OLFM1: variants seen among roughly 807,000 people sequenced by gnomAD.
OLFM1 encodes the protein olfactomedin 1, also known as noelin.
A neutral mutation model predicts 49.7 loss-of-function variants in OLFM1; 9 were observed. The observed-to-expected ratio is 0.18, with a 90% CI of 0.11 to 0.32. The LOEUF is 0.32. Ranked by LOEUF, OLFM1 falls within the 10% of genes least tolerant of loss-of-function variation. The pLI, the probability that OLFM1 is intolerant of heterozygous loss-of-function variation, is 1.00. For synonymous variants in OLFM1, 240 were observed against 271.8 expected, an observed-to-expected ratio of 0.88 and a Z score of 1.15; for missense variants, 369 against 661.8, an observed-to-expected ratio of 0.56 and a Z score of 4.85.
chr9:135,076,581 T>C (rs905457707), intron 1 of OLFM1: 16 of 1,076,746 alleles, frequency 1.5e-5, no homozygotes, highest in South Asian at 3.6e-5. Flanking sequence ...ACTGGGAGGG[T>C]TGCTTTGGCA....
At chr9:135,109,896 G>A (rs1179899766) in intron 5 of OLFM1, among the ~76,000 whole-genome samples, 2 of 152,308 alleles carry the variant, frequency 1.3e-5, no homozygotes, top group Non-Finnish European at 2.9e-5. Flanking sequence ...GGACGGTCCT[G>A]AGCCAGCTTC....
chr9:135,120,483 G>A lies in OLFM1; in HGVS notation c.*305G>A. 1 of 393,092 alleles carries A rather than the reference G, an allele frequency of 2.5e-6. No individual in the cohort carries two copies. The highest frequency in any genetic ancestry group is 4.6e-6 in the Non-Finnish European group (1 of 217,368). 24.4% of individuals were successfully genotyped at this position (393,092 alleles called of 1,614,324 possible). A position where few individuals can be genotyped will look rare whatever the true frequency, so the allele number is the denominator to read the frequency against. On this transcript the variant is annotated 3_prime_UTR_variant, in exon 6 of 6. Transcript: ENST00000371793. ...CTAAAGAGGCGAGGCAATGACTGTT[G>A]GCCAGTTCTCACCGGGGAAAAACCC... is the stretch of plus-strand genomic sequence containing the variant.
In OLFM1 at chr9:135,098,692, G is replaced by A. The variant is rs568987350; in HGVS notation, c.676+187G>A. Among the ~76,000 whole-genome samples, 7 of 152,276 alleles carry A rather than the reference G, an allele frequency of 4.6e-5. No individual in the cohort carries two copies. The South Asian group carries it at 1.5e-3, about 32-fold the overall frequency. Reference sequence around the variant, plus strand: ...GGAGCGTAGGCCACACCCATCCTAGGGCATTGTTCAGAGCCGGGTCTTGTG... The same window carrying A: ...GGAGCGTAGGCCACACCCATCCTAGAGCATTGTTCAGAGCCGGGTCTTGTG... On this transcript the variant is annotated intron_variant, in intron 4 of 5. Coordinates refer to ENST00000371793, the MANE Select transcript of OLFM1 (RefSeq NM_001282611.2). This position sits in a 1 kb window ranked among gnomAD's most constrained non-coding sequence, Gnocchi z 5.6.
chr9:135,082,337 A>G (rs910466364), intron 1 of OLFM1, among the ~76,000 whole-genome samples: 2 of 152,066 alleles, frequency 1.3e-5, no homozygotes, highest in Non-Finnish European at 2.9e-5. Flanking sequence ...TTAGGTATAC[A>G]AGTTGTCTTC....
At chr9:135,091,535 ACACT>A (rs1317725001) in intron 2 of OLFM1, among the ~76,000 whole-genome samples, 6 of 144,766 alleles carry the variant, frequency 4.1e-5, no homozygotes, top group African/African-American at 1.6e-4. Context: ...TCACACAGTC[ACACT>A]CACATAGTCA....
At chr9:135,108,183 C>T (rs185286593) in intron 5 of OLFM1, among the ~76,000 whole-genome samples, 78 of 152,320 alleles carry the variant, frequency 5.1e-4, no homozygotes, top group African/African-American at 1.9e-3. Flanking sequence ...TGGAAGTTTT[C>T]TAACAATTTA....
At chr9:135,103,822 C>T (rs1049508294) in intron 4 of OLFM1, among the ~76,000 whole-genome samples, 48 of 152,242 alleles carry the variant, frequency 3.2e-4, no homozygotes, top group African/African-American at 1.1e-3. Flanking sequence ...TCTGGTGGTC[C>T]CTGCCCTAAT....
upstream of OLFM1, chr9:135,086,453 C>T (rs1411383627): frequency 2.7e-6 from 1 of 372,956 alleles, no homozygotes; most frequent in African/African-American, 2.1e-5. Flanking sequence ...CGTTGTTCCT[C>T]TCAGGCGGGC....
At chr9:135,107,438 T>TG (rs1450253375) in intron 5 of OLFM1, among the ~76,000 whole-genome samples, 1 of 152,306 alleles carries the variant, frequency 6.6e-6, no homozygotes, top group East Asian at 1.9e-4. Flanking sequence ...TGCCTTTATC[T>TG]GGGGGGCTGG....
rs530543819 is a variant in OLFM1 at position 135,107,402 on chromosome 9, G to A, written c.783+547G>A. On this transcript the variant is annotated intron_variant, in intron 5 of 5. Coordinates refer to ENST00000371793, the MANE Select transcript of OLFM1 (RefSeq NM_001282611.2). Reference sequence around the variant, plus strand: ...TTCCCCGCTGGGTGAAACCTCAGAAGAGGAGAGAGAAACAGGCATCATATT... The same window carrying A: ...TTCCCCGCTGGGTGAAACCTCAGAAAAGGAGAGAGAAACAGGCATCATATT... Among the ~76,000 whole-genome samples, 5 of 152,356 alleles carry A rather than the reference G, an allele frequency of 3.3e-5. No individual in the cohort carries two copies. In the East Asian group the frequency reaches 5.8e-4, roughly 18 times the overall value.
chr9:135,114,920 G>A (rs904441162), intron 5 of OLFM1, among the ~76,000 whole-genome samples: 1 of 152,114 alleles, frequency 6.6e-6, no homozygotes. Context: ...AGCCCTCTTC[G>A]CACGCGGCAC....
upstream of OLFM1, among the ~76,000 whole-genome samples, chr9:135,084,034 A>G (rs1830564837): frequency 6.6e-6 from 1 of 152,338 alleles, no homozygotes; most frequent in East Asian, 1.9e-4. This position sits in a 1 kb window ranked among gnomAD's most constrained non-coding sequence, Gnocchi z 4.6. Flanking sequence ...GCCTCCACCC[A>G]TGTGTGAACC....
chr9:135,084,173 G>A (rs58508746), upstream of OLFM1, among the ~76,000 whole-genome samples: 33,783 of 152,226 alleles, frequency 0.22, 3,853 homozygotes, highest in African/African-American at 0.25. The surrounding 1 kb of genome is among the most constrained non-coding windows in gnomAD (Gnocchi z 4.6). Flanking sequence ...CTTGAGGCCA[G>A]GTCCTTTCCT....
At position 135,119,886 on chromosome 9, in the gene OLFM1, C is replaced by A; in HGVS notation, c.1166C>A (p.Thr389Asn). The change falls in exon 6 of 6, where the codon ACC becomes AAC. Residue 389 changes from threonine (T) to asparagine (N), a missense_variant. This residue lies in a region of OLFM1 where 294 missense variants were observed against 567.5 expected (regional missense o/e 0.52). Transcript: ENST00000371793. ...AGGCTGGACCCCGTGTCCCTGCAGA[C>A]CCTGCAGACCTGGAACACGAGCTAC... ...VSRLDPVSLQ[T>N]LQTWNTSYPK... The A allele has an allele frequency of 3.7e-6, 6 of 1,613,570 alleles. No homozygotes were observed. Among genetic ancestry groups the A allele is most frequent in the Non-Finnish European group, 5.1e-6 (6 of 1,180,040 alleles).
chr9:135,091,135 C>T (rs1830679881), intron 2 of OLFM1, among the ~76,000 whole-genome samples: 2 of 152,324 alleles, frequency 1.3e-5, no homozygotes, highest in South Asian at 4.1e-4. Flanking sequence ...CATGGCCGAG[C>T]TCATCACCTG....
chr9:135,077,916 G>A (rs957403566), intron 1 of OLFM1, among the ~76,000 whole-genome samples: 1 of 152,254 alleles, frequency 6.6e-6, no homozygotes, highest in Non-Finnish European at 1.5e-5. Flanking sequence ...GAGAGTGGCT[G>A]GCTCAGCACC....
intron 2 of OLFM1, among the ~76,000 whole-genome samples, chr9:135,091,393 AG>A (rs1299578407): frequency 1.3e-5 from 2 of 152,210 alleles, no homozygotes; most frequent in East Asian, 1.9e-4. Flanking sequence ...TCCCACCCTG[AG>A]GGAGTGGGGT....
chr9:135,114,860 C>A (rs375723680), intron 5 of OLFM1, among the ~76,000 whole-genome samples: 1 of 152,106 alleles, frequency 6.6e-6, no homozygotes, highest in African/African-American at 2.4e-5. Context: ...AGGAATGAGG[C>A]AGCGGGAACC....
At chr9:135,087,605 G>T, upstream of OLFM1, 3 of 772,244 alleles carry the variant, frequency 3.9e-6, no homozygotes, top group South Asian at 1.2e-4. Flanking sequence ...GGATTGCGTC[G>T]GTCCCGCCCG....
Sources: gnomAD v4.1 joint callset for allele counts (sites outside exome capture counted in the v4.1 genomes callset) on GRCh38, gnomAD v4.1.1 for gene constraint, gnomAD v4.1.1 regional missense constraint, Gnocchi (gnomAD v3.1) non-coding constraint, MANE v1.5 for transcripts, NCBI Gene and HGNC (gene_info 2026-07-23, HGNC 2026-07-21) for gene names.